The following ARHGAP8 variants were observed in gnomAD, a reference collection of about 807,000 sequenced individuals.
ARHGAP8 encodes rho GTPase-activating protein 8.
ARHGAP8 carries 62 observed loss-of-function variants against 46.1 expected under a neutral mutation model. That is an observed-to-expected ratio of 1.34 (90% CI 1.10 to 1.66). ARHGAP8 has a LOEUF of 1.66. Ranked by LOEUF, ARHGAP8 falls within the 40% of genes most tolerant of loss-of-function variation. The probability of loss-of-function intolerance (pLI) is 0.00; values close to 1 mark genes in which losing one functional copy is unlikely to be tolerated. For synonymous variants in ARHGAP8, 375 were observed against 243.1 expected (o/e 1.54, Z -5.05); for missense variants, 923 against 568.4 (o/e 1.62, Z -6.34).
intron 10 of ARHGAP8, among the ~76,000 whole-genome samples, chr22:44,859,023 G>A (rs2070334403): frequency 6.6e-6 from 1 of 151,842 alleles, no homozygotes; most frequent in South Asian, 2.1e-4. Flanking sequence ...AACGTTATTG[G>A]CAAAAACAGG....
chr22:44,841,962 C>T (rs1931680987), intron 7 of ARHGAP8, among the ~76,000 whole-genome samples: 1 of 152,208 alleles, frequency 6.6e-6, no homozygotes, highest in African/African-American at 2.4e-5. Flanking sequence ...TGATCAGCAC[C>T]AGGTGCGGGG....
chr22:44,760,261 CAA>C (rs934266609), intron 1 of ARHGAP8, among the ~76,000 whole-genome samples: 5 of 152,194 alleles, frequency 3.3e-5, no homozygotes, highest in African/African-American at 1.2e-4. Flanking sequence ...ATAGCTGAGA[CAA>C]AAGAGTGGAA....
chr22:44,833,118 A>G (rs1430236595), intron 7 of ARHGAP8, among the ~76,000 whole-genome samples: 1 of 52,380 alleles, frequency 1.9e-5, no homozygotes, highest in Non-Finnish European at 3.7e-5. Context: ...TTTTTTTGAG[A>G]TAGAGTCTCC....
chr22:44,847,422 A>G (rs1195132900), intron 8 of ARHGAP8, among the ~76,000 whole-genome samples: 1 of 152,256 alleles, frequency 6.6e-6, no homozygotes, highest in Non-Finnish European at 1.5e-5. Flanking sequence ...CTGTGGCAGT[A>G]GCTCAATAGG....
At chr22:44,850,821 A>G (rs9626253) in intron 10 of ARHGAP8, 43,914 of 151,850 alleles carry the variant, frequency 0.29, 8,027 homozygotes, top group African/African-American at 0.52. Flanking sequence ...AAAATTAGCC[A>G]AGCGTGGTGG....
chr22:44,851,760 G>T (rs900726432), intron 10 of ARHGAP8, among the ~76,000 whole-genome samples: 2 of 152,072 alleles, frequency 1.3e-5, no homozygotes, highest in African/African-American at 4.8e-5. Flanking sequence ...GATCACCTGA[G>T]CCTGGGAGTT....
chr22:44,766,229 T>G (rs1925551357), intron 1 of ARHGAP8: 2 of 152,936 alleles, frequency 1.3e-5, no homozygotes, highest in African/African-American at 2.4e-5. Context: ...CCGGGGAGGC[T>G]GTGGGGCGGG....
At chr22:44,813,992 G>C (rs757543113) in intron 4 of ARHGAP8, among the ~76,000 whole-genome samples, 17 of 152,160 alleles carry the variant, frequency 1.1e-4, no homozygotes, top group Non-Finnish European at 2.5e-4. Context: ...CGCCTCCTGG[G>C]CTGTGTCTCC....
chr22:44,772,115 T>G (rs1218084507), intron 1 of ARHGAP8, among the ~76,000 whole-genome samples: 1 of 151,936 alleles, frequency 6.6e-6, no homozygotes, highest in Non-Finnish European at 1.5e-5. Flanking sequence ...TGAGTGAGTC[T>G]TGAATGTTGT....
intron 10 of ARHGAP8, 109 bp from the exon 11 acceptor site, chr22:44,859,622 G>A (rs929690138): frequency 2.0e-5 from 24 of 1,210,944 alleles, no homozygotes; most frequent in Non-Finnish European, 2.5e-5. Flanking sequence ...ATGTGGGATA[G>A]TCCATCCTCA....
chr22:44,779,789 G>A (rs986126999), intron 1 of ARHGAP8, among the ~76,000 whole-genome samples: 9 of 151,972 alleles, frequency 5.9e-5, no homozygotes, highest in African/African-American at 1.4e-4. Flanking sequence ...GGCTGGTCTC[G>A]AACTCCTGAC....
At chr22:44,857,856 C>G (rs2070276554) in intron 10 of ARHGAP8, among the ~76,000 whole-genome samples, 1 of 152,146 alleles carries the variant, frequency 6.6e-6, no homozygotes, top group Non-Finnish European at 1.5e-5. Context: ...CTCTTGCTCC[C>G]TCATAGGGAG....
intron 1 of ARHGAP8, among the ~76,000 whole-genome samples, chr22:44,774,003 C>T (rs1926232142): frequency 1.3e-5 from 2 of 152,184 alleles, no homozygotes; most frequent in Non-Finnish European, 2.9e-5. Context: ...TCGCTAAATC[C>T]TTATATTCTC....
chr22:44,770,853 G>C (rs557882503), intron 1 of ARHGAP8, among the ~76,000 whole-genome samples: 1 of 152,280 alleles, frequency 6.6e-6, no homozygotes, highest in Non-Finnish European at 1.5e-5. Context: ...TTGTAGCCTT[G>C]TATTCGTTTT....
intron 1 of ARHGAP8, among the ~76,000 whole-genome samples, chr22:44,753,202 C>A (rs890779685): frequency 6.6e-6 from 1 of 151,218 alleles, no homozygotes; most frequent in African/African-American, 2.4e-5. Context: ...GCGGTGGAAC[C>A]CCCCGGGAGT....
intron 2 of ARHGAP8, among the ~76,000 whole-genome samples, chr22:44,795,964 T>C (rs1928056124): frequency 6.6e-6 from 1 of 151,984 alleles, no homozygotes; most frequent in Non-Finnish European, 1.5e-5. Context: ...CTGGGATCCC[T>C]ACTCCTTTCC....
At chr22:44,837,040 G>A (rs972468665) in intron 7 of ARHGAP8, among the ~76,000 whole-genome samples, 5 of 151,914 alleles carry the variant, frequency 3.3e-5, no homozygotes, top group Non-Finnish European at 5.9e-5. Context: ...GCGTGCCACC[G>A]TACCTGGCTA....
rs748559516 is a variant in ARHGAP8, at chr22:44,808,430, C to T, written c.291C>T (p.Phe97=). The T allele has an allele frequency of 9.9e-6, 16 of 1,613,874 alleles. No individual in the cohort carries two copies. The Admixed American group carries it at 2.0e-4, about 20-fold the overall frequency. Residue 97 remains phenylalanine (F), a synonymous_variant, in exon 4 of 12, where the codon TTC becomes TTT. Transcript: ENST00000356099. ...GGCTCCAGAGCGCATACAAGGAGTTCGATAGGAAGTACGTGCCCGCAAGCC... is the reference window on the plus strand; with the variant it reads ...GGCTCCAGAGCGCATACAAGGAGTTTGATAGGAAGTACGTGCCCGCAAGCC... ...LGWLQSAYKE[F]DRKYKKNLKA... is the part of the protein sequence containing the mutation.
At chr22:44,831,844 A>ACTGTAGC (rs1341207959) in intron 7 of ARHGAP8, among the ~76,000 whole-genome samples, 6 of 152,204 alleles carry the variant, frequency 3.9e-5, no homozygotes, top group Non-Finnish European at 1.5e-5. Flanking sequence ...AGTGCCACAC[A>ACTGTAGC]ATCTTGATTA....
Sources: gnomAD v4.1 joint callset for allele counts (sites outside exome capture counted in the v4.1 genomes callset) on GRCh38, gnomAD v4.1.1 for gene constraint, MANE v1.5 for transcripts, NCBI Gene and HGNC (gene_info 2026-07-23, HGNC 2026-07-21) for gene names.